Variants in KCNB2 observed in about 807,000 individuals in gnomAD.
KCNB2 encodes the protein delayed rectifier potassium channel protein.
Under a neutral mutation model 61.5 loss-of-function variants are expected in KCNB2, and 15 were observed. The observed-to-expected ratio is 0.24, with a 90% CI of 0.16 to 0.38. The LOEUF is 0.38. KCNB2 is among the 10% of genes least tolerant of loss of function. The pLI is 1.00. For synonymous variants in KCNB2, 457 were observed against 446.0 expected (o/e 1.02, Z -0.31); for missense variants, 828 against 1,125.2 (o/e 0.74, Z 3.78).
At chr8:72,892,759 T>C (rs1199372759) in intron 2 of KCNB2, among the ~76,000 whole-genome samples, 1 of 152,204 alleles carries the variant, frequency 6.6e-6, no homozygotes, top group Admixed American at 6.6e-5. Flanking sequence ...TCTTGTTTAT[T>C]TTTTTCTAAA....
chr8:72,720,858 C>G (rs1362891600), intron 2 of KCNB2, among the ~76,000 whole-genome samples: 2 of 152,182 alleles, frequency 1.3e-5, no homozygotes, highest in Admixed American at 6.5e-5. Flanking sequence ...AATCTAAATA[C>G]TTTTCGTTAT....
chr8:72,937,791 C>T lies in KCNB2; in HGVS notation c.2436C>T (p.Asp812=), dbSNP rs1456673547. 5.0e-6 allele frequency: 8 copies of T among 1,613,770 alleles called. No individual in the cohort carries two copies. The highest frequency in any genetic ancestry group is 2.2e-5 in the East Asian group (1 of 44,838). ...RSFTEIDTGD[D]EDFLELPGAR... ...TCACTGAAATAGATACTGGTGACGA[C>T]GAAGACTTCTTAGAGCTCCCAGGGG... The change falls in exon 3 of 3, where the codon GAC becomes GAT. Residue 812 remains aspartate, a synonymous_variant. Transcript: ENST00000523207.
intron 2 of KCNB2, among the ~76,000 whole-genome samples, chr8:72,645,944 C>A (rs554761558): frequency 2.0e-5 from 3 of 152,198 alleles, no homozygotes; most frequent in African/African-American, 7.2e-5. Flanking sequence ...GTATGTTAGG[C>A]CACCTGCCAC....
intron 2 of KCNB2, among the ~76,000 whole-genome samples, chr8:72,667,112 G>C (rs1163742309): frequency 1.3e-5 from 2 of 152,132 alleles, no homozygotes; most frequent in Non-Finnish European, 2.9e-5. Flanking sequence ...CTATGTCTTG[G>C]TTTGATCCTT....
At chr8:72,900,712 A>T (rs558675242) in intron 2 of KCNB2, among the ~76,000 whole-genome samples, 12 of 152,362 alleles carry the variant, frequency 7.9e-5, no homozygotes, top group African/African-American at 2.9e-4. Context: ...TCTCAAAAGA[A>T]GACATACAAG....
At chr8:72,554,145 A>G (rs1181190124) in intron 1 of KCNB2, among the ~76,000 whole-genome samples, 2 of 152,128 alleles carry the variant, frequency 1.3e-5, no homozygotes, top group African/African-American at 2.4e-5. Context: ...CTGGGCCTAC[A>G]AAACGCATGC....
intron 2 of KCNB2, among the ~76,000 whole-genome samples, chr8:72,928,681 GACAC>G (rs10606839): frequency 0.012 from 1,728 of 143,770 alleles, 10 homozygotes; most frequent in Admixed American, 0.032. Flanking sequence ...CACACACACA[GACAC>G]ACACACACAC....
rs200944661 is a variant in KCNB2, at chr8:72,937,617, C to T, written c.2262C>T (p.Thr754=). 3 of 1,614,102 alleles carry T rather than the reference C, an allele frequency of 1.9e-6. No homozygotes were observed. Among genetic ancestry groups the T allele is most frequent in the Non-Finnish European group, 2.5e-6 (3 of 1,180,016 alleles). ...FSLTTPQHIS[T]ILLEETPSQG... is the part of the protein sequence containing the mutation. The stretch of plus-strand genomic sequence containing the variant: ...TCACTACCCCGCAGCACATCAGTAC[C>T]ATCCTCTTAGAAGAAACCCCCTCCC... Residue 754 remains threonine (T), a synonymous_variant, in exon 3 of 3, where the codon ACC becomes ACT. Coordinates refer to ENST00000523207, the MANE Select transcript of KCNB2 (RefSeq NM_004770.3).
chr8:72,818,578 G>A (rs1208246771), intron 2 of KCNB2, among the ~76,000 whole-genome samples: 1 of 152,100 alleles, frequency 6.6e-6, no homozygotes, highest in African/African-American at 2.4e-5. Flanking sequence ...GAATCTTCTA[G>A]GTAATAATGA....
At chr8:72,714,534 C>G (rs1357195638) in intron 2 of KCNB2, among the ~76,000 whole-genome samples, 3 of 152,004 alleles carry the variant, frequency 2.0e-5, no homozygotes, top group African/African-American at 2.4e-5. Context: ...GAATTTTCAA[C>G]CCAGAATTTC....
intron 2 of KCNB2, among the ~76,000 whole-genome samples, chr8:72,569,842 T>A (rs1465349522): frequency 6.6e-6 from 1 of 152,178 alleles, no homozygotes; most frequent in Admixed American, 6.5e-5. Flanking sequence ...TAAATCATTG[T>A]TCCATCAAAA....
chr8:72,678,437 C>A (rs1806697675), intron 2 of KCNB2, among the ~76,000 whole-genome samples: 1 of 151,336 alleles, frequency 6.6e-6, no homozygotes, highest in Non-Finnish European at 1.5e-5. Flanking sequence ...GCCAATCTGG[C>A]CTCTTTGCTT....
At chr8:72,852,865 T>A (rs1810142933) in intron 2 of KCNB2, among the ~76,000 whole-genome samples, 1 of 152,230 alleles carries the variant, frequency 6.6e-6, no homozygotes, top group African/African-American at 2.4e-5. Context: ...AAATCTGTGA[T>A]CATAACACTT....
chr8:72,896,176 GCT>G (rs1302817292), intron 2 of KCNB2, among the ~76,000 whole-genome samples: 1 of 152,094 alleles, frequency 6.6e-6, no homozygotes, highest in African/African-American at 2.4e-5. Flanking sequence ...TATTTAATAA[GCT>G]TAACTCTAAT....
At chr8:72,840,066 C>G (rs1203482381) in intron 2 of KCNB2, among the ~76,000 whole-genome samples, 3 of 152,112 alleles carry the variant, frequency 2.0e-5, no homozygotes, top group Non-Finnish European at 4.4e-5. Context: ...CCCTAGCCCC[C>G]CACCCTGCAA....
intron 2 of KCNB2, among the ~76,000 whole-genome samples, chr8:72,892,743 C>G (rs1208972679): frequency 6.6e-6 from 1 of 152,130 alleles, no homozygotes; most frequent in Non-Finnish European, 1.5e-5. Context: ...AATTCCATAC[C>G]TTAATTCTTG....
chr8:72,794,628 A>G (rs1808999635), intron 2 of KCNB2, among the ~76,000 whole-genome samples: 1 of 151,158 alleles, frequency 6.6e-6, no homozygotes, highest in Admixed American at 6.6e-5. Flanking sequence ...AGAGAAGGCT[A>G]GGAGAGGAGT....
chr8:72,711,213 C>G (rs898979411), intron 2 of KCNB2, among the ~76,000 whole-genome samples: 1 of 152,200 alleles, frequency 6.6e-6, no homozygotes, highest in Non-Finnish European at 1.5e-5. Flanking sequence ...CCTTTTGCTT[C>G]CACACAAAAC....
At chr8:72,892,742 C>A (rs1012611925) in intron 2 of KCNB2, among the ~76,000 whole-genome samples, 1 of 152,108 alleles carries the variant, frequency 6.6e-6, no homozygotes, top group Non-Finnish European at 1.5e-5. Context: ...AAATTCCATA[C>A]CTTAATTCTT....
Sources: allele counts gnomAD v4.1 joint callset (sites outside exome capture counted in the v4.1 genomes callset), GRCh38; gene constraint gnomAD v4.1.1; transcripts MANE v1.5; gene names NCBI Gene and HGNC (gene_info 2026-07-23, HGNC 2026-07-21).